The following TCTN2 variants were observed in gnomAD, a reference collection of about 807,000 sequenced individuals.
The protein encoded by TCTN2 is tectonic-2.
TCTN2 carries 66 observed loss-of-function variants against 83.4 expected under a neutral mutation model. The ratio of observed to expected loss-of-function variants is 0.79; its 90% CI spans 0.65 to 0.97. TCTN2 has a LOEUF of 0.97. Ranked by LOEUF, TCTN2 falls within the 50% of genes least tolerant of loss-of-function variation. The pLI, the probability that TCTN2 is intolerant of heterozygous loss-of-function variation, is 0.00. For missense variants in TCTN2, 794 were observed against 858.1 expected (o/e 0.93, Z 0.93); for synonymous variants, 301 against 326.7 (o/e 0.92, Z 0.85).
At chr12:123,701,278 G>T (rs1294282463) in intron 14 of TCTN2, among the ~76,000 whole-genome samples, 2 of 152,168 alleles carry the variant, frequency 1.3e-5, no homozygotes, top group African/African-American at 4.8e-5. Context: ...ACTGCCGTGG[G>T]TAAAGGATTT....
intron 8 of TCTN2, among the ~76,000 whole-genome samples, chr12:123,691,309 C>T (rs928246991): frequency 6.6e-6 from 1 of 152,228 alleles, no homozygotes; most frequent in African/African-American, 2.4e-5. Flanking sequence ...CTCCCTACCC[C>T]TCTTCCCTCA....
chr12:123,706,840 C>T lies in TCTN2; in HGVS notation c.1884C>T (p.His628=). The part of the protein sequence containing the change: ...QFIKIPAQLP[H]PLTRFQINYT... ...TTAAAATTCCTGCACAGTTACCCCA[C>T]CCCCTGACAAGGTACTCCAGTTGCT... Residue 628 remains histidine, a synonymous_variant, in exon 16 of 18, where the codon CAC becomes CAT. Coordinates refer to ENST00000303372, the MANE Select transcript of TCTN2 (RefSeq NM_024809.5). 1 of 1,614,094 alleles carries T rather than the reference C, an allele frequency of 6.2e-7. No homozygotes were observed. The highest frequency in any genetic ancestry group is 1.7e-5 in the Admixed American group (1 of 59,994).
intron 14 of TCTN2, among the ~76,000 whole-genome samples, chr12:123,701,801 T>C (rs34705855): frequency 0.041 from 6,283 of 151,434 alleles, 189 homozygotes; most frequent in South Asian, 0.075. Flanking sequence ...GGGGGCCAGA[T>C]AGAAAGACTT....
At chr12:123,673,551 A>G (rs951700759) in intron 3 of TCTN2, 64 bp from the exon 4 acceptor site, 25 of 1,504,932 alleles carry the variant, frequency 1.7e-5, no homozygotes, top group Non-Finnish European at 2.3e-5. Flanking sequence ...TGTGTTTTCC[A>G]TTATGTATTC....
Position 123,695,464 on chromosome 12 carries a change from T to C in TCTN2, c.1312+167T>C, listed in dbSNP as rs11834492. 191,512 of 553,360 alleles carry C rather than the reference T, an allele frequency of 0.35. 35,391 individuals are homozygous for C. Among genetic ancestry groups the C allele is most frequent in the African/African-American group, 0.41 (21,864 of 52,862 alleles). 34.3% of individuals were successfully genotyped at this position (553,360 alleles called of 1,614,324 possible). A position where few individuals can be genotyped will look rare whatever the true frequency, so the allele number is the denominator to read the frequency against. On this transcript the variant is annotated intron_variant, in intron 11 of 17. Transcript: ENST00000303372. ...TGAGACGGAGTCTTGCTCTGTTGCC[T>C]AGTCTGGAGTGCAGTGGCGCAATCT...
In TCTN2 at chr12:123,706,760, C is replaced by CT. The variant is rs1956234424; in HGVS notation, c.1806dup (p.Thr603TyrfsTer3). The stretch of plus-strand genomic sequence containing the variant: ...AGTGAACTGGCAGTACCAGTGTGGG[C>CT]TTACCTGTGAGCACAAGGCCGACCT... On this transcript the variant is annotated frameshift_variant, in exon 16 of 18. Transcript: ENST00000303372. LOFTEE classifies it high-confidence loss of function. 6.2e-7 allele frequency: 1 copy of CT among 1,614,126 alleles called. No homozygotes were observed. Among genetic ancestry groups the CT allele is most frequent in the South Asian group, 1.1e-5 (1 of 91,064 alleles).
chr12:123,702,372 C>T (rs548065516), intron 14 of TCTN2, among the ~76,000 whole-genome samples: 1 of 152,276 alleles, frequency 6.6e-6, no homozygotes, highest in African/African-American at 2.4e-5. Context: ...ATTCACACAA[C>T]GGCCCATACA....
chr12:123,696,525 C>T (rs1435553898), intron 12 of TCTN2, 30 bp downstream of exon 12: 2 of 1,581,816 alleles, frequency 1.3e-6, no homozygotes, highest in Non-Finnish European at 1.7e-6. Context: ...ATGATTAGCC[C>T]TTTGGCAAAT....
intron 3 of TCTN2, 105 bp from the exon 4 acceptor site, chr12:123,673,510 A>G (rs1418249677): frequency 8.7e-7 from 1 of 1,145,312 alleles, no homozygotes; most frequent in Non-Finnish European, 1.3e-6. Flanking sequence ...TCCCTTTTAT[A>G]AAATGAACGG....
At position 123,679,308 on chromosome 12, in the gene TCTN2, G is replaced by A. The variant is rs1955865222; in HGVS notation, c.564+19G>A. 1.2e-6 allele frequency: 2 copies of A among 1,606,378 alleles called. No homozygotes were observed. The highest frequency in any genetic ancestry group is 2.2e-5 in the South Asian group (2 of 90,918). ...TGACCAGGTATGTTCTTTGGTTATTGGGCACAAAAGTTATGCTACCTGTGA... is the reference window on the plus strand; with the variant it reads ...TGACCAGGTATGTTCTTTGGTTATTAGGCACAAAAGTTATGCTACCTGTGA... On this transcript the variant is annotated intron_variant, in intron 5 of 17. Transcript: ENST00000303372.
intron 14 of TCTN2, among the ~76,000 whole-genome samples, chr12:123,700,809 G>T (rs922129841): frequency 6.6e-6 from 1 of 152,194 alleles, no homozygotes; most frequent in Non-Finnish European, 1.5e-5. Flanking sequence ...TTAGTCGAAT[G>T]TGGTGGCATG....
Position 123,704,647 on chromosome 12 carries a change from G to A in TCTN2, c.1728G>A (p.Val576=), listed in dbSNP as rs1202018902. ...IRILISDAGA[V]EGITQQEILG... is the part of the protein sequence containing the mutation. The stretch of plus-strand genomic sequence containing the variant: ...TCCTCATCTCGGATGCTGGCGCGGT[G>A]GAAGGGATTACTCAGCAGGAGATAC... Residue 576 remains valine, a synonymous_variant, in exon 15 of 18, where the codon GTG becomes GTA. Coordinates refer to ENST00000303372, the MANE Select transcript of TCTN2 (RefSeq NM_024809.5). The A allele has an allele frequency of 1.9e-6, 3 of 1,613,134 alleles. No homozygotes were observed. The highest frequency in any genetic ancestry group is 2.2e-5 in the East Asian group (1 of 44,862).
intron 3 of TCTN2, among the ~76,000 whole-genome samples, chr12:123,672,406 C>T (rs754137480): frequency 2.0e-5 from 3 of 152,026 alleles, no homozygotes; most frequent in Non-Finnish European, 2.9e-5. Context: ...AGAGGGTCAC[C>T]AGTTTCCTTT....
intron 5 of TCTN2, among the ~76,000 whole-genome samples, chr12:123,683,443 C>G (rs1008625258): frequency 2.6e-5 from 4 of 151,602 alleles, no homozygotes; most frequent in African/African-American, 9.7e-5. Context: ...CCATGCCCAG[C>G]TAATTTTTTG....
chr12:123,671,137 G>A lies in TCTN2; in HGVS notation c.-104G>A, dbSNP rs1593826781. ...CATAGCTCCGGGCGTTCGCTTGCAA[G>A]ATGGCGGCGGCGGGGCAGTGGCTGC... On this transcript the variant is annotated 5_prime_UTR_variant, in exon 1 of 18. Transcript: ENST00000303372. 1 of 1,157,262 alleles carries A rather than the reference G, an allele frequency of 8.6e-7. No individual in the cohort carries two copies. The highest frequency in any genetic ancestry group is 2.5e-5 in the East Asian group (1 of 39,242). The allele number at this position is 1,157,262 out of a possible 1,614,324, so 71.7% of individuals were successfully genotyped here.
chr12:123,700,909 T>C (rs1000771345), intron 14 of TCTN2, among the ~76,000 whole-genome samples: 1 of 152,086 alleles, frequency 6.6e-6, no homozygotes, highest in East Asian at 1.9e-4. Flanking sequence ...GATTACACCA[T>C]CACACTCCAA....
chr12:123,699,707 G>A lies in TCTN2; in HGVS notation c.1509G>A (p.Glu503=), dbSNP rs143000636. 2 of 1,612,422 alleles carry A rather than the reference G, an allele frequency of 1.2e-6. No homozygotes were observed. Among genetic ancestry groups the A allele is most frequent in the Non-Finnish European group, 1.7e-6 (2 of 1,178,676 alleles). ...GAAATGTCTTACTCTCTTGCAGGGA[G>A]AATGCTGTTGAAAGACTTGATTCAT... ...GINENCTQLR[E]NAVERLDSLI... The change falls in exon 14 of 18, where the codon GAG becomes GAA. Residue 503 remains glutamate, a synonymous_variant. Transcript: ENST00000303372.
intron 14 of TCTN2, among the ~76,000 whole-genome samples, chr12:123,704,237 C>T (rs759472264): frequency 3.9e-5 from 6 of 152,020 alleles, no homozygotes; most frequent in Non-Finnish European, 5.9e-5. Context: ...GATCTCTTGA[C>T]CTCGTGATCT....
chr12:123,692,718 A>T lies in TCTN2; in HGVS notation c.1094A>T (p.Asn365Ile), dbSNP rs758083576. 1 of 1,611,778 alleles carries T rather than the reference A, an allele frequency of 6.2e-7. No homozygotes were observed. The highest frequency in any genetic ancestry group is 8.5e-7 in the Non-Finnish European group (1 of 1,177,922). Residue 365 changes from asparagine (N) to isoleucine (I), a missense_variant, in exon 9 of 18, where the codon AAT becomes ATT. Asn to Ile is a moderately radical substitution (Grantham distance 149). Coordinates refer to ENST00000303372, the MANE Select transcript of TCTN2 (RefSeq NM_024809.5). Reference sequence around the variant, plus strand: ...ACTGACCTAGACAAATTCATCACCAATACAGGTATTTAATGTTACACTTTG... The same window carrying T: ...ACTGACCTAGACAAATTCATCACCATTACAGGTATTTAATGTTACACTTTG... ...EATDLDKFIT[N>I]TETPLNNGST...
Sources: gnomAD v4.1 joint callset for allele counts (sites outside exome capture counted in the v4.1 genomes callset) on GRCh38, gnomAD v4.1.1 for gene constraint, MANE v1.5 for transcripts, NCBI Gene and HGNC (gene_info 2026-07-23, HGNC 2026-07-21) for gene names.